The following STX18 variants were observed in gnomAD, a reference collection of about 807,000 sequenced individuals.
STX18 encodes syntaxin 18.
A neutral mutation model predicts 50.1 loss-of-function variants in STX18; 40 were observed. That is an observed-to-expected ratio of 0.80 (90% CI 0.62 to 1.04). The LOEUF is 1.04. STX18 is among the 50% of genes least tolerant of loss of function. STX18 has a pLI of 0.00. For synonymous variants in STX18, 158 were observed against 151.8 expected, an observed-to-expected ratio of 1.04 and a Z score of -0.30; for missense variants, 410 against 415.8, an observed-to-expected ratio of 0.99 and a Z score of 0.12.
intron 5 of STX18, among the ~76,000 whole-genome samples, chr4:4,455,011 G>A (rs1049979805): frequency 6.6e-6 from 1 of 152,126 alleles, no homozygotes; most frequent in Non-Finnish European, 1.5e-5. Flanking sequence ...GGTACTATGA[G>A]TTTTCCCATT....
intron 2 of STX18, among the ~76,000 whole-genome samples, chr4:4,461,143 G>C (rs888331771): frequency 2.0e-5 from 3 of 152,108 alleles, no homozygotes; most frequent in South Asian, 4.2e-4. Context: ...AAATTGAAAA[G>C]GTCTAAAGGT....
At chr4:4,505,001 C>A (rs1273635307) in intron 1 of STX18, among the ~76,000 whole-genome samples, 2 of 152,108 alleles carry the variant, frequency 1.3e-5, no homozygotes, top group African/African-American at 4.8e-5. Context: ...GAAAGTTGTG[C>A]AATCATATTT....
chr4:4,419,687 A>AATT lies in STX18; in HGVS notation c.*344_*346dup, dbSNP rs1355542484. 1 of 203,780 alleles carries AATT rather than the reference A, an allele frequency of 4.9e-6. No individual in the cohort carries two copies. Among genetic ancestry groups the AATT allele is most frequent in the African/African-American group, 2.3e-5 (1 of 43,464 alleles). The allele number at this position is 203,780 out of a possible 1,614,324, so 12.6% of individuals were successfully genotyped here. A position where few individuals can be genotyped will look rare whatever the true frequency, so the allele number is the denominator to read the frequency against. ...AGTGTCTTCCTTTGAACCCTGAGAC[A>AATT]ATTAGGGGCTCTTGAGGCCTGCTGT... is the stretch of plus-strand genomic sequence containing the variant. On this transcript the variant is annotated 3_prime_UTR_variant, in exon 11 of 11. Coordinates refer to ENST00000306200, the MANE Select transcript of STX18 (RefSeq NM_016930.4).
intron 1 of STX18, among the ~76,000 whole-genome samples, chr4:4,498,707 T>C (rs1227196425): frequency 6.6e-6 from 1 of 152,112 alleles, no homozygotes; most frequent in African/African-American, 2.4e-5. Flanking sequence ...AGGAGCATAA[T>C]AAAAAATAGA....
intron 1 of STX18, among the ~76,000 whole-genome samples, chr4:4,533,354 C>G (rs867149638): frequency 6.6e-6 from 1 of 152,098 alleles, no homozygotes; most frequent in Non-Finnish European, 1.5e-5. Context: ...TAGTAAGAGA[C>G]GTCAAACATC....
chr4:4,439,401 CCATAT>C (rs1725981255), intron 5 of STX18, among the ~76,000 whole-genome samples: 1 of 115,650 alleles, frequency 8.6e-6, no homozygotes, highest in African/African-American at 3.5e-5. Flanking sequence ...CACACACACA[CCATAT>C]ATGTGCAGAT....
Position 4,423,574 on chromosome 4 carries a change from T to C in STX18, c.775A>G (p.Arg259Gly). The C allele has an allele frequency of 6.2e-7, 1 of 1,614,206 alleles. No individual in the cohort carries two copies. Residue 259 changes from arginine to glycine, a missense_variant, in exon 9 of 11, where the codon AGA becomes GGA. Physicochemically the swap from Arg to Gly is moderately radical, Grantham distance 125 (BLOSUM62 -2). Coordinates refer to ENST00000306200, the MANE Select transcript of STX18 (RefSeq NM_016930.4). The part of the protein sequence containing the change: ...LFDEVRQIEG[R>G]VVEISRLQEI... ...TGGAGTCTGGAAATCTCAACCACTC[T>C]CCCTTCGATTTGCCTTCATAAAAAG...
chr4:4,503,525 C>T (rs1020445179), intron 1 of STX18, among the ~76,000 whole-genome samples: 1 of 152,106 alleles, frequency 6.6e-6, no homozygotes, highest in Non-Finnish European at 1.5e-5. Context: ...ATTTGCATAT[C>T]TATTTCTGTC....
chr4:4,527,890 A>G (rs1002149015), intron 1 of STX18, among the ~76,000 whole-genome samples: 16 of 145,682 alleles, frequency 1.1e-4, no homozygotes, highest in African/African-American at 3.7e-4. Context: ...ATTAAAAACT[A>G]CCTTAAATTA....
rs773741342 is a variant in STX18 at position 4,420,092 on chromosome 4, A to C, written c.950T>G (p.Leu317Arg). The change falls in exon 11 of 11, where the codon CTC becomes CGC. Residue 317 changes from leucine (L) to arginine (R), a missense_variant. Leu to Arg is a moderately radical substitution (Grantham distance 102, BLOSUM62 -2). Transcript: ENST00000306200. The surrounding 1 kb of genome is among the most constrained non-coding windows in gnomAD (Gnocchi z 4.3). ...GAAGGAGCACATCACGAGGAAGAAG[A>C]GGATCCACACGCGGAAGCCAGCGTT... The part of the protein sequence containing the change: ...KNNAGFRVWI[L>R]FFLVMCSFSL... 6.2e-7 allele frequency: 1 copy of C among 1,613,420 alleles called. No individual in the cohort carries two copies. The highest frequency in any genetic ancestry group is 8.5e-7 in the Non-Finnish European group (1 of 1,179,688).
chr4:4,476,910 A>C (rs1728201840), intron 1 of STX18, among the ~76,000 whole-genome samples: 1 of 152,106 alleles, frequency 6.6e-6, no homozygotes, highest in Non-Finnish European at 1.5e-5. Flanking sequence ...TTATTTTAAA[A>C]AATCTCGGGG....
chr4:4,464,271 C>T (rs997483585), intron 2 of STX18, among the ~76,000 whole-genome samples: 13 of 152,184 alleles, frequency 8.5e-5, no homozygotes, highest in African/African-American at 2.9e-4. Flanking sequence ...AGACAAGACA[C>T]CTGTACTCCC....
At chr4:4,423,727 G>A in intron 8 of STX18, 140 bp from the exon 9 acceptor site, 1 of 799,738 alleles carries the variant, frequency 1.3e-6, no homozygotes. Flanking sequence ...GGGGGAAGAG[G>A]AGATGGGAGA....
chr4:4,540,852 G>T (rs963043444), intron 1 of STX18, among the ~76,000 whole-genome samples: 1 of 152,204 alleles, frequency 6.6e-6, no homozygotes, highest in Non-Finnish European at 1.5e-5. Context: ...CCAAGTGTAT[G>T]CCAAGCAGAG....
At chr4:4,538,165 T>C (rs750448463) in intron 1 of STX18, among the ~76,000 whole-genome samples, 16 of 151,988 alleles carry the variant, frequency 1.1e-4, no homozygotes, top group Non-Finnish European at 2.4e-4. Flanking sequence ...ATTCTACTGT[T>C]ACTATATGTC....
intron 6 of STX18, among the ~76,000 whole-genome samples, chr4:4,437,854 C>T (rs139864843): frequency 4.1e-4 from 62 of 152,354 alleles, no homozygotes; most frequent in Non-Finnish European, 6.0e-4. Context: ...CCTACATTTT[C>T]GGACTTCATG....
At chr4:4,470,064 G>C (rs1046606123) in intron 2 of STX18, among the ~76,000 whole-genome samples, 9 of 152,248 alleles carry the variant, frequency 5.9e-5, no homozygotes, top group African/African-American at 2.2e-4. Context: ...GCCAGCCCAC[G>C]AGAATGCAAA....
In STX18 at chr4:4,423,498, C is replaced by CTTTGTT; in HGVS notation, c.831+14_831+19dup. 6.2e-7 allele frequency: 1 copy of CTTTGTT among 1,612,670 alleles called. No homozygotes were observed. Among genetic ancestry groups the CTTTGTT allele is most frequent in the African/African-American group, 1.3e-5 (1 of 75,010 alleles). ...CCCTTTGAGTGAAAACATACAGCTC[C>CTTTGTT]TTTGTTTTTGTTTTTTTACCTGTTG... On this transcript the variant is annotated intron_variant, in intron 9 of 10. Transcript: ENST00000306200.
chr4:4,458,854 A>C (rs899558502), intron 3 of STX18, among the ~76,000 whole-genome samples: 1 of 152,134 alleles, frequency 6.6e-6, no homozygotes, highest in African/African-American at 2.4e-5. Context: ...GTTGGGGTGC[A>C]ACCTAAGCAG....
Sources: gnomAD v4.1 joint callset for allele counts (sites outside exome capture counted in the v4.1 genomes callset) on GRCh38, gnomAD v4.1.1 for gene constraint, Gnocchi (gnomAD v3.1) non-coding constraint, MANE v1.5 for transcripts, NCBI Gene and HGNC (gene_info 2026-07-23, HGNC 2026-07-21) for gene names.